Variants in CAMK1D observed in about 807,000 individuals in gnomAD.
CAMK1D encodes the protein calcium/calmodulin dependent protein kinase ID, also known as calcium/calmodulin-dependent protein kinase type 1D.
CAMK1D carries 9 observed loss-of-function variants against 47.7 expected under a neutral mutation model. The ratio of observed to expected loss-of-function variants is 0.19; its 90% confidence interval spans 0.11 to 0.33. The LOEUF is 0.33. Ranked by LOEUF, CAMK1D falls within the 10% of genes least tolerant of loss-of-function variation. The pLI is 1.00. For synonymous variants in CAMK1D, 184 were observed against 184.9 expected (o/e 0.99, Z 0.04); for missense variants, 291 against 488.7 (o/e 0.60, Z 3.81).
chr10:12,561,615 C>T lies in CAMK1D; in HGVS notation c.224+8259C>T, dbSNP rs144858216. 1.3e-4 allele frequency among the ~76,000 whole-genome samples: 20 copies of T among 152,270 alleles called. No homozygotes were observed. In the East Asian group the frequency reaches 3.5e-3, roughly 26 times the overall value. ...GTTGGCAGTAAACTCAGCTTTGTTTCTGACCATTATTTGGTGATCGTTGTT... is the reference window on the plus strand; with the variant it reads ...GTTGGCAGTAAACTCAGCTTTGTTTTTGACCATTATTTGGTGATCGTTGTT... On this transcript the variant is annotated intron_variant, in intron 2 of 10. Transcript: ENST00000619168.
chr10:12,816,433 A>G, intron 8 of CAMK1D, 105 bp downstream of exon 8: 4 of 892,240 alleles, frequency 4.5e-6, no homozygotes, highest in Non-Finnish European at 7.0e-6. Flanking sequence ...ACACAGGATT[A>G]TTACAAATTT....
intron 2 of CAMK1D, among the ~76,000 whole-genome samples, chr10:12,560,920 C>CT (rs201689289): frequency 0.01 from 1,540 of 150,066 alleles, 30 homozygotes; most frequent in African/African-American, 0.036. Flanking sequence ...TTCTTTCTTT[C>CT]TTTTTTTTTT....
intron 3 of CAMK1D, among the ~76,000 whole-genome samples, chr10:12,736,086 C>T (rs1474704735): frequency 6.6e-6 from 1 of 152,236 alleles, no homozygotes; most frequent in African/African-American, 2.4e-5. Context: ...GAAATGTGGC[C>T]TTTCTTCATC....
intron 6 of CAMK1D, among the ~76,000 whole-genome samples, chr10:12,791,822 G>T (rs141084413): frequency 1.3e-5 from 2 of 152,076 alleles, no homozygotes; most frequent in African/African-American, 4.8e-5. Context: ...CACTTCTTTG[G>T]GGTTTCTATC....
chr10:12,736,611 A>G (rs1194080686), intron 3 of CAMK1D, among the ~76,000 whole-genome samples: 1 of 152,202 alleles, frequency 6.6e-6, no homozygotes, highest in Non-Finnish European at 1.5e-5. Flanking sequence ...TGAATAAGAA[A>G]TCTAGTTCAT....
chr10:12,372,864 C>G (rs773096923), intron 1 of CAMK1D, among the ~76,000 whole-genome samples: 15 of 152,184 alleles, frequency 9.9e-5, no homozygotes, highest in Non-Finnish European at 2.9e-5. Context: ...CTCCTGGGCT[C>G]AAGCGATTCC....
intron 1 of CAMK1D, among the ~76,000 whole-genome samples, chr10:12,383,247 A>T (rs562395403): frequency 2.6e-5 from 4 of 152,262 alleles, no homozygotes; most frequent in African/African-American, 9.6e-5. Flanking sequence ...ATAAAATTAG[A>T]ATAGATCTTT....
intron 2 of CAMK1D, among the ~76,000 whole-genome samples, chr10:12,611,031 T>G (rs4423093): frequency 0.49 from 75,147 of 152,006 alleles, 20,320 homozygotes; most frequent in Non-Finnish European, 0.6. Flanking sequence ...TAACAAACCC[T>G]TGAGCTGTCT....
chr10:12,729,908 GT>G (rs1834816288), intron 3 of CAMK1D, among the ~76,000 whole-genome samples: 1 of 148,066 alleles, frequency 6.8e-6, no homozygotes, highest in Non-Finnish European at 1.5e-5. Context: ...AGAAATAGGG[GT>G]TGAGATGTAA....
intron 1 of CAMK1D, among the ~76,000 whole-genome samples, chr10:12,443,389 A>G (rs1267561133): frequency 6.6e-6 from 1 of 152,052 alleles, no homozygotes; most frequent in African/African-American, 2.4e-5. Context: ...TTGTAGTTGC[A>G]ATATAGTGTC....
At chr10:12,586,874 C>T (rs1015566247) in intron 2 of CAMK1D, among the ~76,000 whole-genome samples, 4 of 152,052 alleles carry the variant, frequency 2.6e-5, no homozygotes, top group Non-Finnish European at 5.9e-5. Flanking sequence ...TTTTTGATTT[C>T]ATCACTGACA....
intron 1 of CAMK1D, among the ~76,000 whole-genome samples, chr10:12,420,274 T>C (rs1417339763): frequency 6.6e-6 from 1 of 152,226 alleles, no homozygotes; most frequent in African/African-American, 2.4e-5. Context: ...TATGTAACTT[T>C]AAAAAATACG....
intron 1 of CAMK1D, among the ~76,000 whole-genome samples, chr10:12,451,168 G>A (rs1468039638): frequency 6.6e-6 from 1 of 152,180 alleles, no homozygotes; most frequent in Non-Finnish European, 1.5e-5. Context: ...TTGGAGGACT[G>A]GGGCATGTTT....
At position 12,830,590 on chromosome 10, in the gene CAMK1D, T is replaced by A. The variant is rs1833399549; in HGVS notation, c.*1703T>A. On this transcript the variant is annotated 3_prime_UTR_variant, in exon 11 of 11. Transcript: ENST00000619168. ...GGCAAAGCAGGCTGTGTTGTTCGCCTTTGTGGAGCCAGGCAGTGTGTGGCC... is the reference window on the plus strand; with the variant it reads ...GGCAAAGCAGGCTGTGTTGTTCGCCATTGTGGAGCCAGGCAGTGTGTGGCC... 2 of 152,270 alleles carry A rather than the reference T, an allele frequency of 1.3e-5. No individual in the cohort carries two copies. The highest frequency in any genetic ancestry group is 2.9e-5 in the Non-Finnish European group (2 of 68,076). 9.4% of individuals were successfully genotyped at this position (152,270 alleles called of 1,614,324 possible).
At chr10:12,410,824 A>G (rs1393830259) in intron 1 of CAMK1D, among the ~76,000 whole-genome samples, 2 of 152,098 alleles carry the variant, frequency 1.3e-5, no homozygotes, top group Non-Finnish European at 2.9e-5. Flanking sequence ...CTGTCTTGAA[A>G]GATATTCTTC....
At chr10:12,794,758 A>G (rs553920007) in intron 6 of CAMK1D, among the ~76,000 whole-genome samples, 14 of 152,202 alleles carry the variant, frequency 9.2e-5, no homozygotes, top group African/African-American at 1.4e-4. Flanking sequence ...CAGAAAATGA[A>G]TGGACCCTTG....
intron 3 of CAMK1D, among the ~76,000 whole-genome samples, chr10:12,667,454 A>C (rs74724831): frequency 0.024 from 3,587 of 152,312 alleles, 70 homozygotes; most frequent in South Asian, 0.12. Context: ...TTTACTTGAA[A>C]ATGCATTTTT....
intron 2 of CAMK1D, among the ~76,000 whole-genome samples, chr10:12,563,658 A>G (rs533431727): frequency 7.0e-6 from 1 of 143,828 alleles, no homozygotes; most frequent in East Asian, 2.1e-4. Flanking sequence ...GAAGAGGCGG[A>G]AGGTTTGAGA....
chr10:12,540,382 C>T (rs1001975690), intron 1 of CAMK1D, among the ~76,000 whole-genome samples: 4 of 152,130 alleles, frequency 2.6e-5, no homozygotes, highest in Non-Finnish European at 5.9e-5. Flanking sequence ...GGGAGCCTGT[C>T]AGAGAAGTGA....
Sources: allele counts gnomAD v4.1 joint callset (sites outside exome capture counted in the v4.1 genomes callset), GRCh38; gene constraint gnomAD v4.1.1; transcripts MANE v1.5; gene names NCBI Gene and HGNC (gene_info 2026-07-23, HGNC 2026-07-21).